The following FBXL17 variants were observed in gnomAD, a reference collection of about 807,000 sequenced individuals.
The protein encoded by FBXL17 is F-box/LRR-repeat protein 17.
In FBXL17, 22 loss-of-function variants were observed where a neutral mutation model predicts 66.2. The ratio of observed to expected loss-of-function variants is 0.33; its 90% confidence interval spans 0.24 to 0.47. FBXL17 has a LOEUF of 0.47. FBXL17 is among the 20% of genes least tolerant of loss of function. The pLI is 1.00. For synonymous variants in FBXL17, 474 were observed against 400.5 expected (o/e 1.18, Z -2.19); for missense variants, 878 against 948.2 (o/e 0.93, Z 0.97).
intron 6 of FBXL17, among the ~76,000 whole-genome samples, chr5:108,026,117 T>A (rs1754813374): frequency 1.3e-5 from 2 of 152,182 alleles, no homozygotes; most frequent in South Asian, 4.1e-4. Context: ...AATTCGAGAA[T>A]CTATTAATAC....
At chr5:108,039,787 AT>A (rs750049529) in intron 6 of FBXL17, among the ~76,000 whole-genome samples, 2 of 152,120 alleles carry the variant, frequency 1.3e-5, no homozygotes, top group African/African-American at 2.4e-5. Context: ...AATAAGACAT[AT>A]TTTGTTATAG....
intron 4 of FBXL17, among the ~76,000 whole-genome samples, chr5:108,262,913 A>G (rs924930941): frequency 8.5e-5 from 13 of 152,244 alleles, no homozygotes; most frequent in African/African-American, 3.1e-4. Flanking sequence ...TAAATTATAC[A>G]GTGAAGGGAA....
At chr5:108,333,180 T>C (rs1348572514) in intron 4 of FBXL17, among the ~76,000 whole-genome samples, 2 of 146,004 alleles carry the variant, frequency 1.4e-5, no homozygotes, top group Non-Finnish European at 3.0e-5. Context: ...ATATTCAACA[T>C]ATTATTCTGA....
intron 4 of FBXL17, among the ~76,000 whole-genome samples, chr5:108,335,894 A>T (rs1760357844): frequency 6.6e-6 from 1 of 152,066 alleles, no homozygotes; most frequent in Non-Finnish European, 1.5e-5. Flanking sequence ...GTATACTAGA[A>T]AAAGATATTA....
chr5:108,024,874 T>C (rs115332695), intron 6 of FBXL17, among the ~76,000 whole-genome samples: 175 of 152,262 alleles, frequency 1.1e-3, no homozygotes, highest in African/African-American at 4.1e-3. Context: ...AAGGCATTAC[T>C]TACTTTCAGT....
chr5:108,233,231 A>G (rs1005854487), intron 4 of FBXL17, among the ~76,000 whole-genome samples: 4 of 151,964 alleles, frequency 2.6e-5, no homozygotes, highest in African/African-American at 9.7e-5. Context: ...TGGTGTTCTT[A>G]GCTCTGACAT....
At chr5:108,334,817 G>A (rs1760299753) in intron 4 of FBXL17, among the ~76,000 whole-genome samples, 1 of 152,166 alleles carries the variant, frequency 6.6e-6, no homozygotes, top group East Asian at 1.9e-4. Flanking sequence ...CATGGTGTGA[G>A]ATTAGTAAAG....
intron 6 of FBXL17, among the ~76,000 whole-genome samples, chr5:108,103,578 CA>C (rs888506191): frequency 4.0e-5 from 5 of 123,614 alleles, no homozygotes; most frequent in African/African-American, 4.8e-5. Context: ...ATATGTCAAA[CA>C]AAAAAAAAGA....
intron 7 of FBXL17, among the ~76,000 whole-genome samples, chr5:107,973,353 AATT>A (rs1752448504): frequency 7.2e-6 from 1 of 138,660 alleles, no homozygotes. Context: ...TTTTTTTTGT[AATT>A]TTTTTTTTTT....
chr5:107,910,155 T>G (rs1017509640), intron 7 of FBXL17, among the ~76,000 whole-genome samples: 1 of 150,596 alleles, frequency 6.6e-6, no homozygotes, highest in African/African-American at 2.4e-5. Context: ...GGTAAAGGCC[T>G]GGCCATGGGG....
At chr5:108,236,523 A>C (rs79891989) in intron 4 of FBXL17, among the ~76,000 whole-genome samples, 4 of 151,834 alleles carry the variant, frequency 2.6e-5, no homozygotes, top group Admixed American at 6.6e-5. Flanking sequence ...AAAAAAAAAA[A>C]CCAACAACAA....
intron 8 of FBXL17, chr5:107,880,551 C>A: frequency 9.9e-7 from 1 of 1,012,134 alleles, no homozygotes; most frequent in Non-Finnish European, 1.2e-6. Context: ...TCCCACATAC[C>A]CCCTTACTGG....
chr5:108,151,543 G>C (rs185433535), intron 6 of FBXL17, among the ~76,000 whole-genome samples: 1 of 152,094 alleles, frequency 6.6e-6, no homozygotes, highest in Non-Finnish European at 1.5e-5. Context: ...TTCCCAAATC[G>C]GAAGTCAAGA....
At chr5:108,150,502 C>T (rs533013643) in intron 6 of FBXL17, among the ~76,000 whole-genome samples, 1 of 152,326 alleles carries the variant, frequency 6.6e-6, no homozygotes, top group South Asian at 2.1e-4. Context: ...CCATGCCTGG[C>T]CCCCAATCAT....
intron 7 of FBXL17, among the ~76,000 whole-genome samples, chr5:107,995,480 A>G (rs1460455104): frequency 6.6e-6 from 1 of 152,190 alleles, no homozygotes; most frequent in African/African-American, 2.4e-5. Flanking sequence ...TACAGTCTTC[A>G]TTAATTCTAG....
chr5:108,270,875 C>A (rs997020944), intron 4 of FBXL17, among the ~76,000 whole-genome samples: 2 of 151,758 alleles, frequency 1.3e-5, no homozygotes, highest in African/African-American at 4.8e-5. Context: ...GGGGGAAAAC[C>A]ACATACACAT....
At chr5:108,355,253 T>A (rs747058882) in intron 3 of FBXL17, among the ~76,000 whole-genome samples, 60 of 148,380 alleles carry the variant, frequency 4.0e-4, no homozygotes, top group Non-Finnish European at 8.2e-4. Context: ...ATATAAGGGA[T>A]GAAAAACTTT....
chr5:107,888,121 A>AAG (rs1037205107), intron 7 of FBXL17, among the ~76,000 whole-genome samples: 5 of 151,852 alleles, frequency 3.3e-5, no homozygotes, highest in Non-Finnish European at 5.9e-5. Context: ...ACTCTAAAAC[A>AAG]TTTTTCCAGA....
At chr5:108,288,052 G>A (rs372681372) in intron 4 of FBXL17, among the ~76,000 whole-genome samples, 39 of 152,012 alleles carry the variant, frequency 2.6e-4, no homozygotes, top group African/African-American at 9.2e-4. Flanking sequence ...TTATAAGTGG[G>A]AGATAACCAC....
Sources: allele counts gnomAD v4.1 joint callset (sites outside exome capture counted in the v4.1 genomes callset), GRCh38; gene constraint gnomAD v4.1.1; transcripts MANE v1.5; gene names NCBI Gene and HGNC (gene_info 2026-07-23, HGNC 2026-07-21).